Variants in DHX15 observed in about 807,000 individuals in gnomAD.
The protein encoded by DHX15 is ATP-dependent RNA helicase DHX15.
In DHX15, 11 loss-of-function variants were observed where a neutral mutation model predicts 94.4. The observed-to-expected ratio is 0.12, with a 90% CI of 0.07 to 0.19. The LOEUF is 0.19. Among genes scored for constraint, DHX15 ranks in the 10% least tolerant of loss-of-function variants. DHX15 has a pLI of 1.00. For missense variants in DHX15, 304 were observed against 988.5 expected (o/e 0.31, Z 9.29); for synonymous variants, 338 against 329.9 (o/e 1.02, Z -0.27).
intron 12 of DHX15, 82 bp from the exon 13 acceptor site, chr4:24,529,852 C>T: frequency 2.9e-6 from 4 of 1,380,178 alleles, no homozygotes; most frequent in Non-Finnish European, 4.1e-6. Flanking sequence ...TAGGAAGAGG[C>T]AGGCCTCCCT....
chr4:24,546,673 A>G (rs939930936), intron 6 of DHX15, among the ~76,000 whole-genome samples: 3 of 152,194 alleles, frequency 2.0e-5, no homozygotes, highest in Non-Finnish European at 4.4e-5. Context: ...CATGTTTAAA[A>G]GGCTGTTTTT....
At chr4:24,544,052 G>C (rs1022615058) in intron 6 of DHX15, among the ~76,000 whole-genome samples, 1 of 151,990 alleles carries the variant, frequency 6.6e-6, no homozygotes, top group Non-Finnish European at 1.5e-5. Context: ...ATAGCATTTA[G>C]GACAGTCCTT....
At chr4:24,531,370 G>A (rs922862086) in intron 12 of DHX15, among the ~76,000 whole-genome samples, 2 of 151,964 alleles carry the variant, frequency 1.3e-5, no homozygotes, top group African/African-American at 4.8e-5. Flanking sequence ...TTACAGGCGT[G>A]AGCCACAGCG....
intron 5 of DHX15, among the ~76,000 whole-genome samples, chr4:24,552,334 G>A (rs1182927596): frequency 6.6e-6 from 1 of 151,950 alleles, no homozygotes; most frequent in Non-Finnish European, 1.5e-5. Flanking sequence ...TTAACTCACT[G>A]CATGTTGAAA....
chr4:24,543,566 G>T (rs1052879597), intron 6 of DHX15, among the ~76,000 whole-genome samples: 1 of 152,096 alleles, frequency 6.6e-6, no homozygotes, highest in Non-Finnish European at 1.5e-5. Context: ...AAATATTTCG[G>T]TAAGTGCATG....
At chr4:24,582,553 A>ATT (rs1722439486) in intron 1 of DHX15, among the ~76,000 whole-genome samples, 1 of 152,182 alleles carries the variant, frequency 6.6e-6, no homozygotes, top group South Asian at 2.1e-4. Context: ...ACAGCAATTT[A>ATT]TTTTTGCCTT....
intron 3 of DHX15, among the ~76,000 whole-genome samples, chr4:24,567,028 T>A (rs1461900933): frequency 6.6e-6 from 1 of 152,180 alleles, no homozygotes; most frequent in Non-Finnish European, 1.5e-5. Context: ...TAGAAGGTAC[T>A]TAACTATTAG....
At chr4:24,547,909 A>ATGTGTGTG (rs1447942034) in intron 6 of DHX15, among the ~76,000 whole-genome samples, 1 of 83,352 alleles carries the variant, frequency 1.2e-5, no homozygotes, top group East Asian at 3.7e-4. Flanking sequence ...ATGTGTATAT[A>ATGTGTGTG]TATATATATA....
chr4:24,553,285 C>A (rs1335775159), intron 5 of DHX15, among the ~76,000 whole-genome samples: 1 of 151,942 alleles, frequency 6.6e-6, no homozygotes, highest in Non-Finnish European at 1.5e-5. Context: ...CGCGCCACTG[C>A]ACTCCAGCCT....
chr4:24,532,081 G>A (rs1170181365), intron 12 of DHX15, among the ~76,000 whole-genome samples: 1 of 152,104 alleles, frequency 6.6e-6, no homozygotes, highest in African/African-American at 2.4e-5. Flanking sequence ...CAAATCAGGT[G>A]ATTTGTTTTC....
intron 2 of DHX15, among the ~76,000 whole-genome samples, chr4:24,575,335 T>C (rs1466827385): frequency 1.3e-5 from 2 of 152,114 alleles, no homozygotes; most frequent in Non-Finnish European, 2.9e-5. Context: ...GTAATTCACT[T>C]CAATACTTTC....
At chr4:24,530,310 G>A (rs1364665082) in intron 12 of DHX15, 1 of 155,348 alleles carries the variant, frequency 6.4e-6, no homozygotes, top group Non-Finnish European at 1.4e-5. Flanking sequence ...GAAAACTAAA[G>A]CCAGGTGCAG....
chr4:24,553,847 A>G (rs1721663608), intron 5 of DHX15, among the ~76,000 whole-genome samples: 1 of 152,144 alleles, frequency 6.6e-6, no homozygotes, highest in African/African-American at 2.4e-5. Flanking sequence ...TGTATTATCC[A>G]AATAGCTTCT....
chr4:24,540,336 TAAGC>T (rs1721283558), intron 9 of DHX15, 37 bp from the exon 10 acceptor site: 1 of 1,543,940 alleles, frequency 6.5e-7, no homozygotes, highest in African/African-American at 1.4e-5. Context: ...CACGGTGCCT[TAAGC>T]AAGCAAAAAT....
At chr4:24,534,005 T>C (rs1721143483) in intron 11 of DHX15, 1 of 152,204 alleles carries the variant, frequency 6.6e-6, no homozygotes, top group Non-Finnish European at 1.5e-5. Context: ...TTTTTAGACA[T>C]AACAAATATA....
intron 6 of DHX15, among the ~76,000 whole-genome samples, chr4:24,545,318 T>C (rs758759176): frequency 6.6e-6 from 1 of 152,250 alleles, no homozygotes; most frequent in Non-Finnish European, 1.5e-5. Context: ...AACTCTTTAG[T>C]TACCATTATA....
intron 3 of DHX15, among the ~76,000 whole-genome samples, chr4:24,562,499 C>A (rs1721900358): frequency 6.6e-6 from 1 of 151,988 alleles, no homozygotes. Context: ...CGTAATGGTC[C>A]CCTTGTAAAA....
At chr4:24,541,848 G>A (rs534486839) in intron 8 of DHX15, 25 bp downstream of exon 8, 22 of 1,521,104 alleles carry the variant, frequency 1.4e-5, no homozygotes, top group Admixed American at 1.4e-4. Flanking sequence ...TAAACATATC[G>A]GCAGGAAACG....
intron 6 of DHX15, among the ~76,000 whole-genome samples, chr4:24,547,925 ATATATATATATATATAT>A (rs1721476185): frequency 1.4e-4 from 7 of 50,952 alleles, no homozygotes; most frequent in African/African-American, 5.5e-4. Flanking sequence ...ATATATATAT[ATATATATATATATATAT>A]CTATATCTAT....
Sources: gnomAD v4.1 joint callset for allele counts (sites outside exome capture counted in the v4.1 genomes callset) on GRCh38, gnomAD v4.1.1 for gene constraint, MANE v1.5 for transcripts, NCBI Gene and HGNC (gene_info 2026-07-23, HGNC 2026-07-21) for gene names.